PTH2R: variants seen among roughly 807,000 people sequenced by gnomAD.
PTH2R encodes the protein parathyroid hormone 2 receptor.
Under a neutral mutation model 60.3 loss-of-function variants are expected in PTH2R, and 59 were observed. The ratio of observed to expected loss-of-function variants is 0.98; its 90% CI spans 0.79 to 1.22. The LOEUF is 1.22. Among genes scored for constraint, PTH2R ranks in the 50% most tolerant of loss-of-function variants. The pLI is 0.00. For missense variants in PTH2R, 749 were observed against 682.6 expected (o/e 1.10, Z -1.08); for synonymous variants, 256 against 243.8 (o/e 1.05, Z -0.47).
chr2:208,365,906 A>T (rs1175374287), intron 1 of PTH2R, among the ~76,000 whole-genome samples: 3 of 118,628 alleles, frequency 2.5e-5, no homozygotes, highest in Non-Finnish European at 3.3e-5. Flanking sequence ...CAGCTAATTT[A>T]TATATATATA....
intron 7 of PTH2R, among the ~76,000 whole-genome samples, chr2:208,450,195 C>G (rs569534219): frequency 6.6e-6 from 1 of 152,276 alleles, no homozygotes; most frequent in South Asian, 2.1e-4. Flanking sequence ...TAGTGGTCAC[C>G]CTTTTCTATT....
intron 7 of PTH2R, among the ~76,000 whole-genome samples, chr2:208,449,454 A>AATAGATAGATAGATAGATAG (rs34534103): frequency 8.5e-4 from 128 of 150,426 alleles, no homozygotes; most frequent in African/African-American, 3.0e-3. Flanking sequence ...TAGATAGATA[A>AATAGATAGATAGATAGATAG]ATAGATAGAT....
intron 2 of PTH2R, among the ~76,000 whole-genome samples, chr2:208,432,312 G>A (rs952293349): frequency 1.3e-5 from 2 of 152,178 alleles, no homozygotes; most frequent in African/African-American, 4.8e-5. Flanking sequence ...TGGGGTTAAT[G>A]GCTTAATAGG....
At chr2:208,391,016 C>A (rs1701099217) in intron 1 of PTH2R, among the ~76,000 whole-genome samples, 1 of 152,126 alleles carries the variant, frequency 6.6e-6, no homozygotes. Flanking sequence ...GAATTTGATT[C>A]CTATGACTTT....
intron 1 of PTH2R, among the ~76,000 whole-genome samples, chr2:208,368,174 G>A (rs1262489315): frequency 2.0e-5 from 3 of 152,170 alleles, no homozygotes; most frequent in African/African-American, 4.8e-5. Context: ...CTCCTTGGAA[G>A]CATTGTCCAC....
rs1003085097 is a variant in PTH2R, at chr2:208,406,817, G to A, written c.-227G>A. 20 of 381,596 alleles carry A rather than the reference G, an allele frequency of 5.2e-5. No homozygotes were observed. The highest frequency in any genetic ancestry group is 3.5e-4 in the African/African-American group (17 of 48,090). The allele number at this position is 381,596 out of a possible 1,614,324, so 23.6% of individuals were successfully genotyped here. A position where few individuals can be genotyped will look rare whatever the true frequency, so the allele number is the denominator to read the frequency against. ...AGGACTCGGGCCAGTCTCTCCGGAA[G>A]ACAAGACCAACCTCGCGCCGCGGCG... On this transcript the variant is annotated 5_prime_UTR_variant, in exon 1 of 13. Coordinates refer to ENST00000272847, the MANE Select transcript of PTH2R (RefSeq NM_005048.4).
chr2:208,488,895 A>T lies in PTH2R; in HGVS notation c.1077-117A>T, dbSNP rs1165088795. ...AACCCTGTCTCAAGAAAAGATAAAA[A>T]GAAAGTGTCAGCCCCACCCCCATTA... On this transcript the variant is annotated intron_variant, in intron 10 of 12. Coordinates refer to ENST00000272847, the MANE Select transcript of PTH2R (RefSeq NM_005048.4). The T allele has an allele frequency of 3.8e-6, 4 of 1,042,032 alleles. No homozygotes were observed. The African/African-American group carries it at 6.5e-5, about 17-fold the overall frequency. 64.5% of individuals were successfully genotyped at this position (1,042,032 alleles called of 1,614,324 possible).
chr2:208,447,910 T>G (rs971320104), intron 7 of PTH2R, among the ~76,000 whole-genome samples: 4 of 152,220 alleles, frequency 2.6e-5, no homozygotes, highest in African/African-American at 9.6e-5. Flanking sequence ...CATTTTCCTC[T>G]ATTTTAATTC....
chr2:208,397,742 C>T (rs1321427442), intron 1 of PTH2R, among the ~76,000 whole-genome samples: 8 of 152,250 alleles, frequency 5.3e-5, no homozygotes, highest in Admixed American at 3.9e-4. Flanking sequence ...CCCACCCTAG[C>T]CTTTTAATAT....
intron 1 of PTH2R, among the ~76,000 whole-genome samples, chr2:208,387,390 TCA>T (rs1361348514): frequency 3.9e-5 from 6 of 152,162 alleles, no homozygotes; most frequent in Non-Finnish European, 7.4e-5. Context: ...TGAAATCACA[TCA>T]CATGAATTGA....
rs1701901832 is a variant in PTH2R at position 208,428,420 on chromosome 2, A to T, written c.178+117A>T. ...TCCTTATCAGTCAATCCACATTTCC[A>T]TGTGGAGGGGTGTGCAGCAGAACAA... On this transcript the variant is annotated intron_variant, in intron 2 of 12. Transcript: ENST00000272847. The T allele has an allele frequency of 4.3e-6, 3 of 694,494 alleles. No individual in the cohort carries two copies. In the Admixed American group the frequency reaches 7.0e-5, roughly 16 times the overall value. The allele number at this position is 694,494 out of a possible 1,614,324, so 43.0% of individuals were successfully genotyped here.
chr2:208,419,407 T>C (rs1484426311), intron 1 of PTH2R, among the ~76,000 whole-genome samples: 2 of 152,374 alleles, frequency 1.3e-5, no homozygotes, highest in East Asian at 1.9e-4. Context: ...GAGTTCATTG[T>C]AGATTCTGGA....
chr2:208,481,360 G>A lies in PTH2R; in HGVS notation c.1076+196G>A, dbSNP rs141363664. ...CGAGTAGCTGGGATTACAGGTGTGC[G>A]CCATCATATCCAGTTAATTTTTGTA... is the stretch of plus-strand genomic sequence containing the variant. On this transcript the variant is annotated intron_variant, in intron 10 of 12. Coordinates refer to ENST00000272847, the MANE Select transcript of PTH2R (RefSeq NM_005048.4). 7.6e-3 allele frequency among the ~76,000 whole-genome samples: 1,162 copies of A among 151,908 alleles called. 12 individuals carry two copies. Among genetic ancestry groups the A allele is most frequent in the African/African-American group, 0.026 (1,082 of 41,450 alleles).
intron 2 of PTH2R, among the ~76,000 whole-genome samples, chr2:208,437,019 T>C (rs1702088480): frequency 6.6e-6 from 1 of 152,194 alleles, no homozygotes; most frequent in Non-Finnish European, 1.5e-5. Context: ...TCTGGATTCA[T>C]CTTGAGAAGA....
chr2:208,365,904 T>TTA lies in PTH2R; in HGVS notation c.-259+5678_-259+5679dup, dbSNP rs1236888980. ...GCATGTGCCACCATGCACAGCTAAT[T>TTA]TATATATATATAATATAATAGATAA... is the stretch of plus-strand genomic sequence containing the variant. On this transcript the variant is annotated intron_variant, in intron 1 of 12. Coordinates refer to the PTH2R transcript ENST00000617735. 7.6e-4 allele frequency among the ~76,000 whole-genome samples: 98 copies of TTA among 128,558 alleles called. 2 individuals are homozygous for TTA. The South Asian group carries it at 0.022, about 28-fold the overall frequency. The allele number at this position is 128,558 out of a possible 152,430, so 84.3% of individuals were successfully genotyped here.
At chr2:208,481,797 T>C (rs1412432428) in intron 10 of PTH2R, among the ~76,000 whole-genome samples, 1 of 152,228 alleles carries the variant, frequency 6.6e-6, no homozygotes, top group Admixed American at 6.5e-5. Flanking sequence ...ATGTCATAAC[T>C]GAAAAGATCA....
At chr2:208,363,465 TA>T (rs1391726612) in intron 1 of PTH2R, among the ~76,000 whole-genome samples, 1 of 152,270 alleles carries the variant, frequency 6.6e-6, no homozygotes, top group Non-Finnish European at 1.5e-5. Context: ...TGAATAGTGC[TA>T]TGATGAACAT....
chr2:208,489,174 T>C (rs767305773), intron 11 of PTH2R, 24 bp downstream of exon 11: 2 of 1,612,678 alleles, frequency 1.2e-6, no homozygotes, highest in South Asian at 2.2e-5. Flanking sequence ...CCTAGTCATC[T>C]GATTCTTGTA....
intron 10 of PTH2R, among the ~76,000 whole-genome samples, chr2:208,485,272 G>A (rs1183316821): frequency 7.9e-5 from 12 of 152,136 alleles, no homozygotes. Context: ...TTCTAAACAG[G>A]ACACTGAGTC....
Sources: gnomAD v4.1 joint callset for allele counts (sites outside exome capture counted in the v4.1 genomes callset) on GRCh38, gnomAD v4.1.1 for gene constraint, MANE v1.5 for transcripts, NCBI Gene and HGNC (gene_info 2026-07-23, HGNC 2026-07-21) for gene names.